The following SLC25A33 variants were observed in gnomAD, a reference collection of about 807,000 sequenced individuals.
The protein encoded by SLC25A33 is bone marrow stromal cell mitochondrial carrier protein.
SLC25A33 carries 15 observed loss-of-function variants against 35.5 expected under a neutral mutation model. That is an observed-to-expected ratio of 0.42 (90% CI 0.28 to 0.65). The LOEUF (loss-of-function observed/expected upper bound fraction) is 0.65, where lower values mean the gene tolerates loss of function less well. Ranked by LOEUF, SLC25A33 falls within the 30% of genes least tolerant of loss-of-function variation. SLC25A33 has a pLI of 0.20. For synonymous variants in SLC25A33, 136 were observed against 148.7 expected (o/e 0.91, Z 0.62); for missense variants, 257 against 398.5 (o/e 0.64, Z 3.02).
At chr1:9,569,255 A>G (rs2100401835) in intron 3 of SLC25A33, among the ~76,000 whole-genome samples, 1 of 152,214 alleles carries the variant, frequency 6.6e-6, no homozygotes, top group East Asian at 1.9e-4. Flanking sequence ...CAAAAAAAAA[A>G]AAAACACAGA....
chr1:9,575,452 T>C (rs1193076611), intron 5 of SLC25A33, among the ~76,000 whole-genome samples: 1 of 150,584 alleles, frequency 6.6e-6, no homozygotes, highest in African/African-American at 2.4e-5. Context: ...CCGTCTCTAC[T>C]AAAAATACAA....
At chr1:9,544,648 T>C (rs1016818992) in intron 1 of SLC25A33, among the ~76,000 whole-genome samples, 3 of 152,144 alleles carry the variant, frequency 2.0e-5, no homozygotes, top group Non-Finnish European at 4.4e-5. Flanking sequence ...AATAGCACGA[T>C]AGAGGTAGCA....
chr1:9,561,098 G>T (rs1251352714), intron 2 of SLC25A33, among the ~76,000 whole-genome samples: 1 of 151,792 alleles, frequency 6.6e-6, no homozygotes, highest in East Asian at 1.9e-4. Flanking sequence ...CCGTCACCAC[G>T]CCCGGCTAAT....
intron 2 of SLC25A33, among the ~76,000 whole-genome samples, chr1:9,563,849 G>A (rs1049675290): frequency 4.3e-4 from 66 of 151,908 alleles, no homozygotes; most frequent in South Asian, 1.0e-3. Flanking sequence ...TAGTAGAGAC[G>A]GGGTTTCACC....
intron 1 of SLC25A33, 109 bp from the exon 2 acceptor site, chr1:9,553,517 G>A (rs894342126): frequency 1.1e-5 from 14 of 1,284,018 alleles, no homozygotes; most frequent in African/African-American, 7.4e-5. Context: ...ACAGGCGTGA[G>A]CCACCGCGCC....
At chr1:9,563,019 C>T (rs892601735) in intron 2 of SLC25A33, among the ~76,000 whole-genome samples, 2 of 150,520 alleles carry the variant, frequency 1.3e-5, no homozygotes, top group African/African-American at 2.4e-5. Context: ...CCTGGGTTCA[C>T]GCCATTCTCC....
At chr1:9,540,007 G>A (rs1052709378) in intron 1 of SLC25A33, among the ~76,000 whole-genome samples, 1 of 152,232 alleles carries the variant, frequency 6.6e-6, no homozygotes, top group East Asian at 1.9e-4. Flanking sequence ...GGCGTCCCCA[G>A]CTTTTCCCCA....
chr1:9,553,981 G>A (rs1191573769), intron 2 of SLC25A33, among the ~76,000 whole-genome samples, 176 bp downstream of exon 2: 6 of 152,084 alleles, frequency 3.9e-5, no homozygotes, highest in Admixed American at 6.6e-5. Context: ...CCCTGGCAGC[G>A]GGGGGTCCCA....
chr1:9,553,249 C>T (rs1473245229), intron 1 of SLC25A33, among the ~76,000 whole-genome samples: 13 of 73,778 alleles, frequency 1.8e-4, no homozygotes, highest in South Asian at 1.1e-3. Context: ...TTGTTTGAGA[C>T]GGAGTCTTGC....
At chr1:9,550,013 T>TATATATATATATATACATA (rs1237314230) in intron 1 of SLC25A33, among the ~76,000 whole-genome samples, 4 of 28,724 alleles carry the variant, frequency 1.4e-4, no homozygotes, top group African/African-American at 3.8e-4. Context: ...ATATATATAT[T>TATATATATATATATACATA]TTTTTTTTTT....
rs537620434 is a variant in SLC25A33, at chr1:9,563,166, C to T, written c.237-4118C>T. On this transcript the variant is annotated intron_variant, in intron 2 of 6. Transcript: ENST00000302692. ...GTCTCGATCTCCTGACCTCGTGATC[C>T]GCCCGCCTCGGCCTCCCAGAGTGTT... 7.9e-5 allele frequency among the ~76,000 whole-genome samples: 12 copies of T among 152,118 alleles called. No individual in the cohort carries two copies. In the South Asian group the frequency reaches 8.3e-4, roughly 11 times the overall value.
intron 3 of SLC25A33, among the ~76,000 whole-genome samples, chr1:9,568,617 C>A (rs961977009): frequency 6.6e-6 from 1 of 151,866 alleles, no homozygotes; most frequent in Middle Eastern, 3.2e-3. Flanking sequence ...TTTGGGAGGC[C>A]GAGGCCGGGG....
intron 5 of SLC25A33, among the ~76,000 whole-genome samples, chr1:9,575,009 C>G (rs868040269): frequency 6.6e-6 from 1 of 151,630 alleles, no homozygotes; most frequent in Non-Finnish European, 1.5e-5. Flanking sequence ...GTCAGGAGAT[C>G]GAGACCAACC....
chr1:9,571,870 A>G (rs1360057561), intron 4 of SLC25A33, among the ~76,000 whole-genome samples: 1 of 152,126 alleles, frequency 6.6e-6, no homozygotes, highest in Non-Finnish European at 1.5e-5. Flanking sequence ...CGAACTACTG[A>G]ACTCAAGTAA....
chr1:9,572,526 G>A (rs1398544904), intron 4 of SLC25A33, among the ~76,000 whole-genome samples: 1 of 152,066 alleles, frequency 6.6e-6, no homozygotes, highest in Non-Finnish European at 1.5e-5. Context: ...GCTGAGTCAG[G>A]TGAATGGCGT....
chr1:9,560,305 C>T (rs1268987836), intron 2 of SLC25A33, among the ~76,000 whole-genome samples: 1 of 150,924 alleles, frequency 6.6e-6, no homozygotes, highest in Admixed American at 6.6e-5. Context: ...CATGGTCATT[C>T]GTTTAAAAGT....
intron 6 of SLC25A33, among the ~76,000 whole-genome samples, chr1:9,580,795 G>C (rs1643732252): frequency 6.6e-6 from 1 of 151,194 alleles, no homozygotes. Flanking sequence ...GGTGGAGGTT[G>C]CAGTGAGCCG....
chr1:9,557,880 G>A (rs533782731), intron 2 of SLC25A33, among the ~76,000 whole-genome samples: 108 of 152,286 alleles, frequency 7.1e-4, no homozygotes, highest in African/African-American at 2.6e-3. Flanking sequence ...TCCAGCCTGG[G>A]CAATGGAATA....
chr1:9,552,076 C>T (rs140276862), intron 1 of SLC25A33, among the ~76,000 whole-genome samples: 2,688 of 152,176 alleles, frequency 0.018, 36 homozygotes, highest in Middle Eastern at 0.027. Context: ...GGTAATATCT[C>T]GATATGAATA....
Sources: gnomAD v4.1 joint callset for allele counts (sites outside exome capture counted in the v4.1 genomes callset) on GRCh38, gnomAD v4.1.1 for gene constraint, MANE v1.5 for transcripts, NCBI Gene and HGNC (gene_info 2026-07-23, HGNC 2026-07-21) for gene names.